TRAF5: variants seen among roughly 807,000 people sequenced by gnomAD.
TRAF5 encodes the protein TNF receptor associated factor 5, also known as TNF receptor-associated factor 5.
A neutral mutation model predicts 64.5 loss-of-function variants in TRAF5; 48 were observed. The ratio of observed to expected loss-of-function variants is 0.74; its 90% confidence interval spans 0.59 to 0.95. The LOEUF (loss-of-function observed/expected upper bound fraction) is 0.95, where lower values mean the gene tolerates loss of function less well. Ranked by LOEUF, TRAF5 falls within the 40% of genes least tolerant of loss-of-function variation. TRAF5 has a pLI of 0.00. For missense variants in TRAF5, 545 were observed against 662.8 expected (o/e 0.82, Z 1.95); for synonymous variants, 206 against 240.5 (o/e 0.86, Z 1.33).
At chr1:211,343,455 C>G (rs1487801458) in intron 1 of TRAF5, among the ~76,000 whole-genome samples, 9 of 151,998 alleles carry the variant, frequency 5.9e-5, no homozygotes, top group Admixed American at 5.9e-4. Flanking sequence ...CATATATCAC[C>G]CTGTCTCCTA....
chr1:211,337,022 G>A (rs1391994953), intron 1 of TRAF5, among the ~76,000 whole-genome samples: 1 of 152,210 alleles, frequency 6.6e-6, no homozygotes, highest in African/African-American at 2.4e-5. Flanking sequence ...GTGAGCCGCT[G>A]CACCTGGCCA....
At chr1:211,362,607 G>T (rs1365577875) in intron 7 of TRAF5, among the ~76,000 whole-genome samples, 1 of 152,114 alleles carries the variant, frequency 6.6e-6, no homozygotes, top group East Asian at 1.9e-4. Context: ...TTGAACCCGG[G>T]AGGCCAAGGT....
At chr1:211,363,099 C>G (rs962415615) in intron 7 of TRAF5, among the ~76,000 whole-genome samples, 11 of 152,110 alleles carry the variant, frequency 7.2e-5, no homozygotes, top group Admixed American at 2.6e-4. Flanking sequence ...ATTAAAACAT[C>G]TTATGATATC....
intron 2 of TRAF5, chr1:211,353,694 G>A (rs1326186340): frequency 1.3e-5 from 7 of 531,870 alleles, no homozygotes; most frequent in South Asian, 2.1e-5. Flanking sequence ...TGCTTTGCAT[G>A]GGACAGCAGA....
chr1:211,371,140 T>G, intron 9 of TRAF5, among the ~76,000 whole-genome samples, 162 bp from the exon 10 acceptor site: 1 of 152,206 alleles, frequency 6.6e-6, no homozygotes, highest in Non-Finnish European at 1.5e-5. Context: ...AGGTGGCTCA[T>G]CTCTCTGTGA....
chr1:211,360,360 T>C (rs1239687194), intron 5 of TRAF5: 3 of 495,478 alleles, frequency 6.1e-6, no homozygotes, highest in Non-Finnish European at 1.1e-5. Context: ...ATGTCTACTC[T>C]CTGAATTCTG....
At chr1:211,352,445 A>AT (rs1236477758) in intron 1 of TRAF5, among the ~76,000 whole-genome samples, 4 of 150,138 alleles carry the variant, frequency 2.7e-5, no homozygotes, top group African/African-American at 9.8e-5. Context: ...TGTCTCTAAA[A>AT]AAAAAAAAAA....
chr1:211,333,435 C>A (rs552117594), intron 1 of TRAF5, among the ~76,000 whole-genome samples: 9 of 151,586 alleles, frequency 5.9e-5, no homozygotes, highest in African/African-American at 2.2e-4. Flanking sequence ...GCGATCCACT[C>A]CCCCCCCACT....
chr1:211,352,555 A>T (rs1702824628), intron 1 of TRAF5, among the ~76,000 whole-genome samples: 1 of 151,258 alleles, frequency 6.6e-6, no homozygotes, highest in Admixed American at 6.6e-5. Context: ...GAGCCCAGGA[A>T]TTGGAGATTA....
intron 9 of TRAF5, among the ~76,000 whole-genome samples, chr1:211,370,789 G>A (rs2102774053): frequency 6.6e-6 from 1 of 152,292 alleles, no homozygotes; most frequent in East Asian, 1.9e-4. Flanking sequence ...TAGGAAAAGG[G>A]AGGAGTAGTT....
rs752361912 is a variant in TRAF5, at chr1:211,359,948, T to C, written c.415T>C (p.Cys139Arg). 4.0e-5 allele frequency: 65 copies of C among 1,613,924 alleles called. No homozygotes were observed. The highest frequency in any genetic ancestry group is 6.7e-5 in the African/African-American group (5 of 74,924). ...GCAGTGCTTATTTCAACCTGTGCAG[T>C]GTTCTAATGAGAAGTGCCGGGAGCC... The part of the protein sequence containing the change: ...LQQCLFQPVQ[C>R]SNEKCREPVL... The change falls in exon 5 of 11, where the codon TGT becomes CGT. Residue 139 changes from cysteine (C) to arginine (R), a missense_variant. Cys to Arg is a radical substitution (Grantham distance 180, BLOSUM62 -3). Coordinates refer to ENST00000261464, the MANE Select transcript of TRAF5 (RefSeq NM_001033910.3).
intron 7 of TRAF5, among the ~76,000 whole-genome samples, chr1:211,363,910 CAAAAAAA>C (rs35539677): frequency 2.3e-5 from 2 of 85,746 alleles, no homozygotes; most frequent in Non-Finnish European, 2.3e-5. Flanking sequence ...GACCCTGTCT[CAAAAAAA>C]AAAAAAAAAA....
At chr1:211,327,179 G>A (rs2102702116) in intron 1 of TRAF5, among the ~76,000 whole-genome samples, 1 of 152,246 alleles carries the variant, frequency 6.6e-6, no homozygotes, top group South Asian at 2.1e-4. Context: ...GGCGAGGGCG[G>A]AGACTGGGGG....
chr1:211,367,336 G>T (rs906738117), intron 8 of TRAF5, among the ~76,000 whole-genome samples: 1 of 152,208 alleles, frequency 6.6e-6, no homozygotes, highest in African/African-American at 2.4e-5. Context: ...GCTTGGGTTT[G>T]CAGCCAGGCT....
At chr1:211,334,800 G>A (rs552019185) in intron 1 of TRAF5, among the ~76,000 whole-genome samples, 1 of 152,222 alleles carries the variant, frequency 6.6e-6, no homozygotes, top group Non-Finnish European at 1.5e-5. Context: ...CTTGCGAGGA[G>A]AACTTTCTAG....
intron 1 of TRAF5, among the ~76,000 whole-genome samples, chr1:211,336,530 G>A (rs1345460437): frequency 6.6e-6 from 1 of 152,256 alleles, no homozygotes; most frequent in East Asian, 1.9e-4. Flanking sequence ...CAGGTGAAAT[G>A]AAAAGGTTTA....
upstream of TRAF5, chr1:211,326,759 C>T: frequency 1.0e-6 from 1 of 984,830 alleles, no homozygotes; most frequent in East Asian, 1.1e-4. The surrounding 1 kb of genome is among the most constrained non-coding windows in gnomAD (Gnocchi z 5.0). Context: ...CTGCGCCCGC[C>T]CGCGCCCCTC....
chr1:211,349,158 T>C (rs1412030156), intron 1 of TRAF5, among the ~76,000 whole-genome samples: 1 of 151,858 alleles, frequency 6.6e-6, no homozygotes, highest in African/African-American at 2.4e-5. Flanking sequence ...CAGTGAGCCA[T>C]GGTTACACCA....
chr1:211,354,993 C>T (rs1251973790), intron 3 of TRAF5, among the ~76,000 whole-genome samples: 3 of 151,934 alleles, frequency 2.0e-5, no homozygotes, highest in Admixed American at 1.3e-4. Flanking sequence ...ACCAACATGG[C>T]GAAACCCTGT....
Sources: gnomAD v4.1 joint callset for allele counts (sites outside exome capture counted in the v4.1 genomes callset) on GRCh38, gnomAD v4.1.1 for gene constraint, Gnocchi (gnomAD v3.1) non-coding constraint, MANE v1.5 for transcripts, NCBI Gene and HGNC (gene_info 2026-07-23, HGNC 2026-07-21) for gene names.